The following CACNA1C variants were observed in gnomAD, a reference collection of about 807,000 sequenced individuals.
The protein encoded by CACNA1C is calcium voltage-gated channel subunit alpha1 C, also known as voltage-dependent L-type calcium channel subunit alpha-1C.
Under a neutral mutation model 229.0 loss-of-function variants are expected in CACNA1C, and 30 were observed. That is an observed-to-expected ratio of 0.13 (90% CI 0.10 to 0.18). The LOEUF (loss-of-function observed/expected upper bound fraction) is 0.18. Among genes scored for constraint, CACNA1C ranks in the 10% least tolerant of loss-of-function variants. CACNA1C has a pLI of 1.00. For missense variants in CACNA1C, 1,658 were observed against 2,845.0 expected, an observed-to-expected ratio of 0.58 and a Z score of 9.49; for synonymous variants, 1,114 against 1,132.5, an observed-to-expected ratio of 0.98 and a Z score of 0.33.
intron 3 of CACNA1C, among the ~76,000 whole-genome samples, chr12:2,238,751 G>A (rs1265397638): frequency 1.3e-5 from 2 of 152,214 alleles, no homozygotes; most frequent in Admixed American, 6.5e-5. Flanking sequence ...CAGAGGATGA[G>A]GGCTGAACTT....
At chr12:2,388,230 A>G (rs2098426549) in intron 3 of CACNA1C, among the ~76,000 whole-genome samples, 1 of 152,186 alleles carries the variant, frequency 6.6e-6, no homozygotes, top group Non-Finnish European at 1.5e-5. Flanking sequence ...GGTAACTATA[A>G]TTAATAAAAA....
At position 2,512,242 on chromosome 12, in the gene CACNA1C, G is replaced by A. The variant is rs921120431; in HGVS notation, c.1218-570G>A. Among the ~76,000 whole-genome samples, 22 of 152,164 alleles carry A rather than the reference G, an allele frequency of 1.4e-4. No homozygotes were observed. The highest frequency in any genetic ancestry group is 4.3e-4 in the African/African-American group (18 of 41,426). ...TGGTGTAAATATTCCCACTGTGGCC[G>A]ATCTCAAGCTACCAGCGAGACATCC... On this transcript the variant is annotated intron_variant, in intron 8 of 46. Coordinates refer to ENST00000399655, the MANE Select transcript of CACNA1C (RefSeq NM_000719.7). The surrounding 1 kb of genome is among the most constrained non-coding windows in gnomAD (Gnocchi z 4.3).
chr12:2,256,447 T>C (rs1047488525), intron 3 of CACNA1C, among the ~76,000 whole-genome samples: 31 of 152,222 alleles, frequency 2.0e-4, no homozygotes, highest in Admixed American at 1.8e-3. Context: ...ACTGCTTAAA[T>C]CAAATGAATT....
intron 3 of CACNA1C, among the ~76,000 whole-genome samples, chr12:2,230,617 C>G (rs1011186890): frequency 6.6e-6 from 1 of 152,230 alleles, no homozygotes; most frequent in African/African-American, 2.4e-5. Flanking sequence ...GGGCTCTTCC[C>G]GCGCCTGATC....
chr12:2,277,763 A>G (rs1053152593), intron 3 of CACNA1C, among the ~76,000 whole-genome samples: 1 of 152,028 alleles, frequency 6.6e-6, no homozygotes, highest in Non-Finnish European at 1.5e-5. Context: ...TGTCCTCCCC[A>G]TCTCCCTCCC....
At chr12:2,013,217 T>C (rs7953448) in intron 1 of CACNA1C, among the ~76,000 whole-genome samples, 2,351 of 152,240 alleles carry the variant, frequency 0.015, 59 homozygotes, top group African/African-American at 0.054. Context: ...ACAATAGTGG[T>C]AACCTGCTAG....
At chr12:2,314,117 G>T (rs1224640642) in intron 3 of CACNA1C, among the ~76,000 whole-genome samples, 1 of 152,086 alleles carries the variant, frequency 6.6e-6, no homozygotes, top group Non-Finnish European at 1.5e-5. Flanking sequence ...TCACCATCAG[G>T]GAATCTAGCC....
At chr12:2,465,867 A>G (rs2099547121) in intron 5 of CACNA1C, among the ~76,000 whole-genome samples, 1 of 152,124 alleles carries the variant, frequency 6.6e-6, no homozygotes, top group South Asian at 2.1e-4. Flanking sequence ...CCTCCATCCC[A>G]GAGGCCAGGT....
intron 5 of CACNA1C, among the ~76,000 whole-genome samples, chr12:2,475,695 A>G (rs2099623485): frequency 6.6e-6 from 1 of 152,236 alleles, no homozygotes; most frequent in Non-Finnish European, 1.5e-5. Context: ...ACTGAAAAGA[A>G]TTGGGAATGC....
chr12:2,598,145 G>A (rs2069483105), intron 21 of CACNA1C, among the ~76,000 whole-genome samples: 1 of 152,176 alleles, frequency 6.6e-6, no homozygotes, highest in African/African-American at 2.4e-5. Context: ...TTGTCACAGT[G>A]CCCCTTGCCC....
At chr12:2,400,328 G>A (rs1311641895) in intron 3 of CACNA1C, among the ~76,000 whole-genome samples, 2 of 152,166 alleles carry the variant, frequency 1.3e-5, no homozygotes, top group Non-Finnish European at 2.9e-5. Flanking sequence ...TCAGCAATGA[G>A]TAATGGCTCA....
At chr12:2,596,131 C>T (rs1331871476) in intron 20 of CACNA1C, 128 bp downstream of exon 20, 1 of 923,686 alleles carries the variant, frequency 1.1e-6, no homozygotes, top group Non-Finnish European at 1.6e-6. Context: ...CCACAACTAA[C>T]ATTTCATTAA....
At chr12:2,017,665 T>TTC (rs1449990464) in intron 1 of CACNA1C, among the ~76,000 whole-genome samples, 1 of 151,754 alleles carries the variant, frequency 6.6e-6, no homozygotes, top group Non-Finnish European at 1.5e-5. Context: ...TTTCTGTTTT[T>TTC]TTTTTTTCTG....
intron 3 of CACNA1C, among the ~76,000 whole-genome samples, chr12:2,281,567 G>C (rs2154435641): frequency 6.6e-6 from 1 of 152,276 alleles, no homozygotes; most frequent in Admixed American, 6.5e-5. Flanking sequence ...ATTCTCAGGT[G>C]ATAGTTTTTC....
At chr12:2,352,451 G>A (rs2097229977) in intron 3 of CACNA1C, among the ~76,000 whole-genome samples, 1 of 152,208 alleles carries the variant, frequency 6.6e-6, no homozygotes, top group South Asian at 2.1e-4. Context: ...ACGTGGTCGG[G>A]TTTGAAGACC....
chr12:2,457,952 T>A (rs1350657320), intron 5 of CACNA1C, among the ~76,000 whole-genome samples: 8 of 152,204 alleles, frequency 5.3e-5, no homozygotes, highest in African/African-American at 1.9e-4. Flanking sequence ...CTCAGCCACA[T>A]GAATCCTACA....
chr12:2,014,179 C>A (rs569366092), intron 1 of CACNA1C, among the ~76,000 whole-genome samples: 1 of 152,118 alleles, frequency 6.6e-6, no homozygotes, highest in East Asian at 1.9e-4. Flanking sequence ...TATAAACAAC[C>A]CCAAACACTG....
rs1249540540 is a variant in CACNA1C, at chr12:2,632,543, C to T, written c.3829-1754C>T. ...ATGAAAAAAGTCTTTTAAGAACATT[C>T]GTCCCTTCTCTTCTCCAAACATGGT... is the stretch of plus-strand genomic sequence containing the variant. On this transcript the variant is annotated intron_variant, in intron 29 of 46. Transcript: ENST00000399655. This position sits in a 1 kb window ranked among gnomAD's most constrained non-coding sequence, Gnocchi z 4.1. 1.3e-5 allele frequency among the ~76,000 whole-genome samples: 2 copies of T among 152,156 alleles called. No individual in the cohort carries two copies. Among genetic ancestry groups the T allele is most frequent in the African/African-American group, 4.8e-5 (2 of 41,428 alleles).
At chr12:2,414,306 G>A (rs2098841290) in intron 3 of CACNA1C, among the ~76,000 whole-genome samples, 1 of 152,190 alleles carries the variant, frequency 6.6e-6, no homozygotes, top group Non-Finnish European at 1.5e-5. Context: ...AAAAGGACTA[G>A]CACTTAAGCA....
Sources: gnomAD v4.1 joint callset for allele counts (sites outside exome capture counted in the v4.1 genomes callset) on GRCh38, gnomAD v4.1.1 for gene constraint, Gnocchi (gnomAD v3.1) non-coding constraint, MANE v1.5 for transcripts, NCBI Gene and HGNC (gene_info 2026-07-23, HGNC 2026-07-21) for gene names.